Variants in PRMT8 observed in about 807,000 individuals in gnomAD.
PRMT8 encodes protein arginine methyltransferase 8, also known as protein arginine N-methyltransferase 8.
In PRMT8, 7 loss-of-function variants were observed where a neutral mutation model predicts 47.1. The observed-to-expected ratio is 0.15, with a 90% CI of 0.08 to 0.28. PRMT8 has a LOEUF of 0.28. Ranked by LOEUF, PRMT8 falls within the 10% of genes least tolerant of loss-of-function variation. The pLI, the probability that PRMT8 is intolerant of heterozygous loss-of-function variation, is 1.00. For synonymous variants in PRMT8, 188 were observed against 186.5 expected, an observed-to-expected ratio of 1.01 and a Z score of -0.07; for missense variants, 237 against 505.4, an observed-to-expected ratio of 0.47 and a Z score of 5.09.
intron 1 of PRMT8, among the ~76,000 whole-genome samples, chr12:3,398,433 C>G (rs1864284129): frequency 6.6e-6 from 1 of 152,168 alleles, no homozygotes; most frequent in South Asian, 2.1e-4. Context: ...TTTATTGTGT[C>G]AATTTAGTGT....
At chr12:3,523,846 T>A (rs562616570) in intron 1 of PRMT8, among the ~76,000 whole-genome samples, 10 of 152,350 alleles carry the variant, frequency 6.6e-5, no homozygotes, top group Non-Finnish European at 1.2e-4. Flanking sequence ...TTGTTCTCCA[T>A]AGGGAATATA....
chr12:3,537,076 T>C (rs13328987), intron 1 of PRMT8, among the ~76,000 whole-genome samples: 1 of 152,226 alleles, frequency 6.6e-6, no homozygotes, highest in Non-Finnish European at 1.5e-5. Context: ...ACACTTCAAG[T>C]ACATTTTACC....
In PRMT8 at chr12:3,550,131, A is replaced by G; in HGVS notation, c.417+40A>G. On this transcript the variant is annotated intron_variant, in intron 3 of 9. Coordinates refer to ENST00000382622, the MANE Select transcript of PRMT8 (RefSeq NM_019854.5). This position sits in a 1 kb window ranked among gnomAD's most constrained non-coding sequence, Gnocchi z 5.1. ...TCCTCCTGCATGCTGGCTTCCACAGAGCCAGCCTCTTGCCCTCTGCCTCCA... is the reference window on the plus strand; with the variant it reads ...TCCTCCTGCATGCTGGCTTCCACAGGGCCAGCCTCTTGCCCTCTGCCTCCA... 2 of 1,606,402 alleles carry G rather than the reference A, an allele frequency of 1.2e-6. No homozygotes were observed. The highest frequency in any genetic ancestry group is 2.2e-5 in the East Asian group (1 of 44,666).
intron 1 of PRMT8, among the ~76,000 whole-genome samples, chr12:3,434,287 C>T (rs932086060): frequency 2.0e-5 from 3 of 152,150 alleles, no homozygotes; most frequent in Non-Finnish European, 4.4e-5. Context: ...GCTCGTTTTT[C>T]TGAGGGCTAC....
chr12:3,487,762 T>A (rs1865336050), upstream of PRMT8, among the ~76,000 whole-genome samples: 1 of 152,196 alleles, frequency 6.6e-6, no homozygotes, highest in South Asian at 2.1e-4. Context: ...GAGATAGACC[T>A]CCTTACAGTG....
intron 1 of PRMT8, among the ~76,000 whole-genome samples, chr12:3,442,512 T>TAGCC (rs1189796846): frequency 2.0e-5 from 3 of 152,162 alleles, no homozygotes; most frequent in Non-Finnish European, 4.4e-5. Context: ...CTGGTGCGGC[T>TAGCC]GCCTGTTCTC....
intron 1 of PRMT8, among the ~76,000 whole-genome samples, chr12:3,443,495 C>A (rs1864825694): frequency 6.6e-6 from 1 of 152,118 alleles, no homozygotes; most frequent in Non-Finnish European, 1.5e-5. Flanking sequence ...TGCCAAGAGA[C>A]CTCTAAAGCA....
intron 1 of PRMT8, among the ~76,000 whole-genome samples, chr12:3,430,633 G>T (rs912648477): frequency 6.6e-6 from 1 of 152,192 alleles, no homozygotes; most frequent in African/African-American, 2.4e-5. Context: ...GTCAAGTGAC[G>T]TAGTTTCACA....
intron 1 of PRMT8, among the ~76,000 whole-genome samples, chr12:3,399,830 T>A (rs761310479): frequency 3.9e-5 from 6 of 152,326 alleles, no homozygotes; most frequent in African/African-American, 1.4e-4. Flanking sequence ...ATACAAGGAT[T>A]TGGGGAAGGG....
intron 1 of PRMT8, among the ~76,000 whole-genome samples, chr12:3,417,042 T>C (rs1864490937): frequency 6.6e-6 from 1 of 152,252 alleles, no homozygotes; most frequent in African/African-American, 2.4e-5. Context: ...AAGGGAACTA[T>C]TATACTGATC....
chr12:3,386,764 C>A (rs573607130), intron 1 of PRMT8, among the ~76,000 whole-genome samples: 1 of 151,126 alleles, frequency 6.6e-6, no homozygotes, highest in Non-Finnish European at 1.5e-5. Flanking sequence ...GGCTGGAGTG[C>A]AATGGCGCAA....
At position 3,538,810 on chromosome 12, in the gene PRMT8, G is replaced by A; in HGVS notation, c.76-1796G>A. On this transcript the variant is annotated intron_variant, in intron 1 of 9. Transcript: ENST00000382622. The surrounding 1 kb of genome is among the most constrained non-coding windows in gnomAD (Gnocchi z 4.6). ...CAAGCTGAGAGTGGGCACACCTGCT[G>A]CATTCTAATGAGGCAGCCCCACTCG... 1 of 506,306 alleles carries A rather than the reference G, an allele frequency of 2.0e-6. No homozygotes were observed. The highest frequency in any genetic ancestry group is 4.0e-6 in the Non-Finnish European group (1 of 251,412). The allele number at this position is 506,306 out of a possible 1,614,324, so 31.4% of individuals were successfully genotyped here.
chr12:3,536,611 C>A (rs1372764383), intron 1 of PRMT8, among the ~76,000 whole-genome samples: 2 of 152,140 alleles, frequency 1.3e-5, no homozygotes, highest in Non-Finnish European at 2.9e-5. Flanking sequence ...ATGCACACAG[C>A]CTTCTTCAGC....
chr12:3,582,812 C>G (rs756754604), intron 7 of PRMT8, among the ~76,000 whole-genome samples: 1 of 152,130 alleles, frequency 6.6e-6, no homozygotes, highest in Non-Finnish European at 1.5e-5. Flanking sequence ...ATTTATCTTC[C>G]GAATTCTGCT....
intron 1 of PRMT8, chr12:3,469,036 C>T (rs907038398): frequency 7.1e-6 from 3 of 423,952 alleles, no homozygotes; most frequent in Non-Finnish European, 9.1e-6. Context: ...GTGCACAATG[C>T]GTGCCTGACA....
intron 6 of PRMT8, chr12:3,573,836 G>T (rs1866892803): frequency 6.6e-6 from 1 of 151,958 alleles, no homozygotes; most frequent in South Asian, 2.1e-4. Context: ...ATGACCAATG[G>T]CTCTTACCCC....
rs190238376 is a variant in PRMT8, at chr12:3,405,919, T to G, written c.48+24477T>G. Among the ~76,000 whole-genome samples the G allele has an allele frequency of 2.4e-3, 367 of 152,378 alleles. 8 individuals are homozygous for G. The highest frequency in any genetic ancestry group is 2.7e-3 in the South Asian group (13 of 4,828). On this transcript the variant is annotated intron_variant, in intron 1 of 9. Transcript: ENST00000452611. ...CTCTTCTCACAGCTCCACTAGGCAG[T>G]GCCCAAGTGGGGACTCTGTGTGGGG...
intron 8 of PRMT8, among the ~76,000 whole-genome samples, chr12:3,584,873 C>G (rs1285458256): frequency 6.6e-6 from 1 of 152,140 alleles, no homozygotes. Context: ...AAAACTACAC[C>G]TTTTTAAAAA....
At position 3,514,400 on chromosome 12, in the gene PRMT8, A is replaced by T. The variant is rs963401966; in HGVS notation, c.75+22700A>T. ...AGATTGCTGTTGGGGTGTGGCTGGC[A>T]TTCGGGCTGCAAGACGTGGTTTAGA... On this transcript the variant is annotated intron_variant, in intron 1 of 9. Transcript: ENST00000382622. This position sits in a 1 kb window ranked among gnomAD's most constrained non-coding sequence, Gnocchi z 5.9. Among the ~76,000 whole-genome samples, 2 of 152,070 alleles carry T rather than the reference A, an allele frequency of 1.3e-5. No homozygotes were observed. Among genetic ancestry groups the T allele is most frequent in the African/African-American group, 4.8e-5 (2 of 41,406 alleles).
Sources: gnomAD v4.1 joint callset for allele counts (sites outside exome capture counted in the v4.1 genomes callset) on GRCh38, gnomAD v4.1.1 for gene constraint, Gnocchi (gnomAD v3.1) non-coding constraint, MANE v1.5 for transcripts, NCBI Gene and HGNC (gene_info 2026-07-23, HGNC 2026-07-21) for gene names.